NXPE2: variants seen among roughly 807,000 people sequenced by gnomAD.
NXPE2 encodes the protein NXPE family member 2.
In NXPE2, 34 loss-of-function variants were observed where a neutral mutation model predicts 34.4. The ratio of observed to expected loss-of-function variants is 0.99; its 90% confidence interval spans 0.75 to 1.31. The LOEUF is 1.31. Among genes scored for constraint, NXPE2 ranks in the 40% most tolerant of loss-of-function variants. The probability of loss-of-function intolerance (pLI) is 0.00; values close to 1 mark genes in which losing one functional copy is unlikely to be tolerated. For synonymous variants in NXPE2, 235 were observed against 231.3 expected (o/e 1.02, Z -0.15); for missense variants, 649 against 672.5 (o/e 0.97, Z 0.39).
the NXPE2 span, among the ~76,000 whole-genome samples, chr11:114,801,773 G>A: frequency 2.8e-3 from 432 of 152,266 alleles, 8 homozygotes; most frequent in Admixed American, 0.019. Context: ...GGACGAGTCA[G>A]GTTTCTGGAC....
the NXPE2 span, chr11:114,560,002 A>T: frequency 1.3e-5 from 2 of 152,336 alleles, no homozygotes; most frequent in Non-Finnish European, 2.9e-5. Context: ...ACAATTAGAT[A>T]ATTCCACAGC....
the NXPE2 span, among the ~76,000 whole-genome samples, chr11:114,811,359 A>T: frequency 2.0e-5 from 3 of 151,612 alleles, no homozygotes; most frequent in African/African-American, 7.3e-5. Context: ...AAAAAATGCA[A>T]AAAAAGAGAA....
chr11:114,498,686 A>G, the NXPE2 span, among the ~76,000 whole-genome samples: 1 of 152,058 alleles, frequency 6.6e-6, no homozygotes, highest in Non-Finnish European at 1.5e-5. Context: ...TTATTTTAAT[A>G]TTGCTTTCAT....
At chr11:114,645,407 G>A in the NXPE2 span, among the ~76,000 whole-genome samples, 1 of 152,052 alleles carries the variant, frequency 6.6e-6, no homozygotes, top group East Asian at 1.9e-4. Context: ...ATGTGAAAAG[G>A]CGAACTTTAA....
At chr11:114,588,924 T>C in the NXPE2 span, among the ~76,000 whole-genome samples, 156 of 152,178 alleles carry the variant, frequency 1.0e-3, 1 homozygote, top group African/African-American at 3.5e-3. Context: ...TAGGGCCAGA[T>C]AGCATTTTGG....
the NXPE2 span, chr11:114,526,837 A>G: frequency 9.2e-5 from 14 of 152,196 alleles, no homozygotes; most frequent in Non-Finnish European, 1.8e-4. Context: ...TGTATATATG[A>G]CAGGCAATTA....
At chr11:114,804,833 T>C in the NXPE2 span, among the ~76,000 whole-genome samples, 7 of 152,166 alleles carry the variant, frequency 4.6e-5, no homozygotes, top group African/African-American at 1.2e-4. Context: ...CAGGGCTTCC[T>C]GAACAAAGGC....
the NXPE2 span, among the ~76,000 whole-genome samples, chr11:114,812,982 G>T: frequency 3.3e-5 from 5 of 152,154 alleles, no homozygotes. Context: ...TGCACCCTGG[G>T]GAGAGAGGCC....
intron 3 of NXPE2, among the ~76,000 whole-genome samples, chr11:114,701,630 C>T (rs1951366811): frequency 6.6e-6 from 1 of 152,172 alleles, no homozygotes; most frequent in Non-Finnish European, 1.5e-5. Flanking sequence ...TCCAAGAAGT[C>T]TCATGGACCA....
the NXPE2 span, among the ~76,000 whole-genome samples, chr11:114,749,307 A>T: frequency 6.6e-6 from 1 of 152,222 alleles, no homozygotes; most frequent in Non-Finnish European, 1.5e-5. Context: ...ATACACACAC[A>T]TACATTTATG....
chr11:114,612,132 T>C, the NXPE2 span, among the ~76,000 whole-genome samples: 1 of 151,910 alleles, frequency 6.6e-6, no homozygotes, highest in East Asian at 1.9e-4. Context: ...ATAATAATTG[T>C]TGCCTCGTGG....
At chr11:114,543,786 G>A in the NXPE2 span, among the ~76,000 whole-genome samples, 1 of 152,182 alleles carries the variant, frequency 6.6e-6, no homozygotes, top group East Asian at 1.9e-4. Context: ...AAAGGAAAAA[G>A]TAAAGCTGTT....
the NXPE2 span, among the ~76,000 whole-genome samples, chr11:114,607,178 A>T: frequency 6.7e-6 from 1 of 149,770 alleles, no homozygotes; most frequent in Admixed American, 6.7e-5. Context: ...TCAGTGTTGC[A>T]TCGTGGGTGA....
the NXPE2 span, among the ~76,000 whole-genome samples, chr11:114,809,417 G>C: frequency 2.8e-4 from 43 of 151,076 alleles, no homozygotes; most frequent in Non-Finnish European, 1.9e-4. Context: ...CCTGTTTGCA[G>C]ATGACATGAT....
the NXPE2 span, among the ~76,000 whole-genome samples, chr11:114,775,725 T>C: frequency 6.6e-6 from 1 of 152,108 alleles, no homozygotes; most frequent in Non-Finnish European, 1.5e-5. Flanking sequence ...AATAGAGGGC[T>C]CTGAAGGCTG....
At chr11:114,602,669 C>A in the NXPE2 span, among the ~76,000 whole-genome samples, 2 of 141,108 alleles carry the variant, frequency 1.4e-5, no homozygotes, top group Admixed American at 7.4e-5. Flanking sequence ...ATAATAATTA[C>A]AGAATCATAT....
chr11:114,811,672 A>G, the NXPE2 span, among the ~76,000 whole-genome samples: 8 of 152,332 alleles, frequency 5.3e-5, 1 homozygote, highest in African/African-American at 1.9e-4. Flanking sequence ...CCCACACTCA[A>G]GGGTGCTGAG....
At chr11:114,481,390 T>C in the NXPE2 span, among the ~76,000 whole-genome samples, 48 of 152,136 alleles carry the variant, frequency 3.2e-4, no homozygotes, top group Admixed American at 3.1e-3. Context: ...ATTTAGAGCA[T>C]TGTTGCCTAA....
At chr11:114,805,715 G>C in the NXPE2 span, among the ~76,000 whole-genome samples, 1 of 152,200 alleles carries the variant, frequency 6.6e-6, no homozygotes, top group African/African-American at 2.4e-5. Flanking sequence ...ACTGGGTGGA[G>C]CCCACCACAG....
Sources: gnomAD v4.1 joint callset for allele counts (sites outside exome capture counted in the v4.1 genomes callset) on GRCh38, gnomAD v4.1.1 for gene constraint, MANE v1.5 for transcripts, NCBI Gene and HGNC (gene_info 2026-07-23, HGNC 2026-07-21) for gene names.